The following GSPT1 variants were observed in gnomAD, a reference collection of about 807,000 sequenced individuals.
GSPT1 encodes the protein eukaryotic peptide chain release factor GTP-binding subunit ERF3A.
A neutral mutation model predicts 72.5 loss-of-function variants in GSPT1; 20 were observed. That is an observed-to-expected ratio of 0.28 (90% confidence interval 0.19 to 0.40). GSPT1 has a LOEUF of 0.40. Ranked by LOEUF, GSPT1 falls within the 10% of genes least tolerant of loss-of-function variation. The pLI, the probability that GSPT1 is intolerant of heterozygous loss-of-function variation, is 1.00. For synonymous variants in GSPT1, 334 were observed against 293.5 expected (o/e 1.14, Z -1.41); for missense variants, 580 against 811.9 (o/e 0.71, Z 3.47).
In GSPT1 at chr16:11,893,533, A is replaced by G. The variant is rs4781160; in HGVS notation, c.698+1421T>C. On this transcript the variant is annotated intron_variant, in intron 5 of 14. Coordinates refer to ENST00000434724, the MANE Select transcript of GSPT1 (RefSeq NM_002094.4). ...GGCAAGTAAGTCTTATTACTTGTCA[A>G]AATGAGATAATAATTTCAAAATAGT... 9.0e-3 allele frequency among the ~76,000 whole-genome samples: 1,377 copies of G among 152,336 alleles called. 18 individuals carry two copies. The highest frequency in any genetic ancestry group is 0.025 in the South Asian group (119 of 4,826).
chr16:11,893,243 C>T (rs185180723), intron 5 of GSPT1, among the ~76,000 whole-genome samples: 156 of 152,000 alleles, frequency 1.0e-3, no homozygotes, highest in African/African-American at 3.4e-3. Context: ...CACTACCCTC[C>T]GGCCTGGGCA....
intron 1 of GSPT1, among the ~76,000 whole-genome samples, chr16:11,901,812 T>G (rs1345306423): frequency 6.6e-6 from 1 of 150,674 alleles, no homozygotes; most frequent in Non-Finnish European, 1.5e-5. Flanking sequence ...GAGGAAAAAC[T>G]AGGCTGGGCA....
At chr16:11,893,289 T>A (rs2054293284) in intron 5 of GSPT1, among the ~76,000 whole-genome samples, 1 of 152,022 alleles carries the variant, frequency 6.6e-6, no homozygotes, top group Non-Finnish European at 1.5e-5. Flanking sequence ...ATAAATATAG[T>A]TTTATTTTTA....
intron 1 of GSPT1, among the ~76,000 whole-genome samples, chr16:11,909,316 C>G (rs1260972936): frequency 6.6e-6 from 1 of 152,128 alleles, no homozygotes; most frequent in South Asian, 2.1e-4. Flanking sequence ...TCTACAGTCT[C>G]GGCTCACTTT....
At chr16:11,910,040 T>C (rs1430847465) in intron 1 of GSPT1, among the ~76,000 whole-genome samples, 2 of 152,208 alleles carry the variant, frequency 1.3e-5, no homozygotes, top group Admixed American at 1.3e-4. Flanking sequence ...GAAGTTACGA[T>C]GAGCTATAAT....
chr16:11,887,268 A>G (rs1485631695), intron 7 of GSPT1, among the ~76,000 whole-genome samples: 1 of 152,184 alleles, frequency 6.6e-6, no homozygotes, highest in African/African-American at 2.4e-5. Context: ...TATGAAACAG[A>G]TGGTTTCCTA....
chr16:11,884,936 C>T (rs1259717957), intron 10 of GSPT1, among the ~76,000 whole-genome samples: 3 of 151,428 alleles, frequency 2.0e-5, no homozygotes, highest in Non-Finnish European at 4.4e-5. Context: ...GGCGTGGTGG[C>T]GGGAGCCTGT....
At chr16:11,880,341 G>C (rs1051636892) in intron 11 of GSPT1, 2 of 152,168 alleles carry the variant, frequency 1.3e-5, no homozygotes, top group African/African-American at 2.4e-5. Flanking sequence ...TACTCAGAAA[G>C]AGTATTGCTG....
intron 10 of GSPT1, among the ~76,000 whole-genome samples, chr16:11,884,265 G>A (rs78763219): frequency 0.012 from 1,752 of 152,176 alleles, 36 homozygotes; most frequent in African/African-American, 0.04. Context: ...GTATTTTTGC[G>A]ATGCTATTTA....
At chr16:11,909,151 AGT>A (rs530208612) in intron 1 of GSPT1, among the ~76,000 whole-genome samples, 70 of 152,020 alleles carry the variant, frequency 4.6e-4, no homozygotes, top group African/African-American at 1.6e-3. Flanking sequence ...TTTGGAAGTG[AGT>A]GTCACCACTG....
At position 11,915,498 on chromosome 16, in the gene GSPT1, G is replaced by C. The variant is rs778887874; in HGVS notation, c.223C>G (p.Pro75Ala). The change falls in exon 1 of 15, where the codon CCC becomes GCC. Residue 75 changes from proline (P) to alanine (A), a missense_variant. Around this residue, in one of 6 missense-constraint regions of GSPT1, gnomAD observed 327 missense variants for 298.8 expected, o/e 1.09. Transcript: ENST00000434724. ...GCGGCGTGGACGTTGGGCACGAAGG[G>C]CTTGGCGTTGACGTTGAGTTGCCGG... ...FSRQLNVNAK[P>A]FVPNVHAAEF... 3.2e-6 allele frequency: 5 copies of C among 1,549,238 alleles called. No homozygotes were observed. The Admixed American group carries it at 9.6e-5, about 30-fold the overall frequency.
intron 11 of GSPT1, chr16:11,881,484 T>C (rs1298644086): frequency 6.6e-6 from 1 of 152,112 alleles, no homozygotes; most frequent in Non-Finnish European, 1.5e-5. Flanking sequence ...ACCATTTTAG[T>C]TTGCAATTCA....
chr16:11,903,509 T>G (rs2054444226), intron 1 of GSPT1, among the ~76,000 whole-genome samples: 1 of 152,084 alleles, frequency 6.6e-6, no homozygotes, highest in Admixed American at 6.6e-5. Flanking sequence ...AGTGAGACTC[T>G]GTCTCAAAAA....
intron 6 of GSPT1, 69 bp from the exon 7 acceptor site, chr16:11,887,819 T>C: frequency 9.5e-7 from 1 of 1,049,630 alleles, no homozygotes; most frequent in Non-Finnish European, 1.4e-6. Context: ...TTCTTCACCA[T>C]TAAAGATATA....
At chr16:11,898,442 T>C (rs923234501) in intron 1 of GSPT1, among the ~76,000 whole-genome samples, 55 of 33,698 alleles carry the variant, frequency 1.6e-3, no homozygotes, top group Admixed American at 0.013. Context: ...TGATTAGCCC[T>C]TTTTTTTTTT....
At chr16:11,879,687 C>T (rs150192796) in intron 11 of GSPT1, among the ~76,000 whole-genome samples, 1,858 of 141,526 alleles carry the variant, frequency 0.013, 48 homozygotes, top group African/African-American at 0.048. Flanking sequence ...CGCAGTGAGC[C>T]GAGATCACAC....
At chr16:11,892,698 G>A (rs1488577682) in intron 5 of GSPT1, among the ~76,000 whole-genome samples, 1 of 150,422 alleles carries the variant, frequency 6.6e-6, no homozygotes, top group African/African-American at 2.4e-5. Context: ...ACGTGGTGGT[G>A]CATGCCTGTA....
chr16:11,873,434 C>T (rs1272511773), intron 14 of GSPT1, among the ~76,000 whole-genome samples: 1 of 152,140 alleles, frequency 6.6e-6, no homozygotes, highest in Non-Finnish European at 1.5e-5. Context: ...GCCTCATCCT[C>T]CCCAGTAGCT....
At chr16:11,886,350 T>G (rs1194455029) in intron 9 of GSPT1, 121 bp downstream of exon 9, 5 of 612,068 alleles carry the variant, frequency 8.2e-6, no homozygotes, top group Non-Finnish European at 1.4e-5. Context: ...TTTCTTAAAT[T>G]ACTTATAAAG....
Sources: gnomAD v4.1 joint callset for allele counts (sites outside exome capture counted in the v4.1 genomes callset) on GRCh38, gnomAD v4.1.1 for gene constraint, gnomAD v4.1.1 regional missense constraint, MANE v1.5 for transcripts, NCBI Gene and HGNC (gene_info 2026-07-23, HGNC 2026-07-21) for gene names.